The following CHODL variants were observed in gnomAD, a reference collection of about 807,000 sequenced individuals.
The protein encoded by CHODL is transmembrane protein MT75.
In CHODL, 29 loss-of-function variants were observed where a neutral mutation model predicts 34.5. The observed-to-expected ratio is 0.84, with a 90% confidence interval of 0.63 to 1.15. The LOEUF (loss-of-function observed/expected upper bound fraction) is 1.15, where lower values mean the gene tolerates loss of function less well. Among genes scored for constraint, CHODL ranks in the 50% most tolerant of loss-of-function variants. The pLI, the probability that CHODL is intolerant of heterozygous loss-of-function variation, is 0.00. For synonymous variants in CHODL, 125 were observed against 116.1 expected (o/e 1.08, Z -0.49); for missense variants, 332 against 332.5 (o/e 1.00, Z 0.01).
intron 1 of CHODL, among the ~76,000 whole-genome samples, chr21:18,026,674 A>G (rs1009089443): frequency 2.6e-5 from 4 of 152,162 alleles, no homozygotes; most frequent in African/African-American, 9.7e-5. Flanking sequence ...TGCTTTCTTC[A>G]CATGCCAAAA....
chr21:17,973,802 G>GA (rs369903501), intron 1 of CHODL, among the ~76,000 whole-genome samples: 5,324 of 124,948 alleles, frequency 0.043, 141 homozygotes, highest in Middle Eastern at 0.073. Context: ...TATCTTTCAG[G>GA]AAAAAAAAAA....
intron 2 of CHODL, among the ~76,000 whole-genome samples, chr21:18,163,897 C>T (rs939963310): frequency 6.6e-6 from 1 of 152,110 alleles, no homozygotes; most frequent in African/African-American, 2.4e-5. Context: ...TACTGATCCC[C>T]AGTGTGATTA....
chr21:18,111,683 G>C (rs1193094083), intron 2 of CHODL, among the ~76,000 whole-genome samples: 1 of 152,086 alleles, frequency 6.6e-6, no homozygotes, highest in Non-Finnish European at 1.5e-5. Context: ...TACACTTTCT[G>C]TCCACTGGCA....
chr21:18,242,953 G>A (rs937999988), upstream of CHODL, among the ~76,000 whole-genome samples: 4 of 152,052 alleles, frequency 2.6e-5, no homozygotes, highest in African/African-American at 9.7e-5. Flanking sequence ...GTAATTTACT[G>A]GTATTCTTTC....
At chr21:17,988,421 A>C (rs1239509811) in intron 1 of CHODL, among the ~76,000 whole-genome samples, 2 of 109,720 alleles carry the variant, frequency 1.8e-5, no homozygotes. Context: ...ATTATACTTT[A>C]AGTTTTAGGG....
At chr21:18,172,175 C>T (rs754481066) in intron 2 of CHODL, among the ~76,000 whole-genome samples, 1 of 151,884 alleles carries the variant, frequency 6.6e-6, no homozygotes, top group South Asian at 2.1e-4. Flanking sequence ...TTCTTTTGAG[C>T]CTCTTATTTG....
chr21:18,084,150 T>C (rs986096304), intron 2 of CHODL, among the ~76,000 whole-genome samples: 3 of 152,178 alleles, frequency 2.0e-5, no homozygotes, highest in Middle Eastern at 3.2e-3. Context: ...TATTTGAAAG[T>C]GTGTGGCACA....
At chr21:17,993,978 A>T (rs2146391499) in intron 1 of CHODL, among the ~76,000 whole-genome samples, 1 of 151,568 alleles carries the variant, frequency 6.6e-6, no homozygotes, top group East Asian at 2.0e-4. Flanking sequence ...TTCTGATTTT[A>T]TTTTTTTGAG....
chr21:18,020,102 A>G (rs2064114004), intron 1 of CHODL, among the ~76,000 whole-genome samples: 1 of 152,192 alleles, frequency 6.6e-6, no homozygotes. Flanking sequence ...AAAGAATTAC[A>G]TGATATGAAG....
intron 2 of CHODL, among the ~76,000 whole-genome samples, chr21:18,056,476 C>CTT (rs34378503): frequency 7.2e-4 from 102 of 141,990 alleles, no homozygotes; most frequent in Middle Eastern, 3.7e-3. Flanking sequence ...TATTTTCCTT[C>CTT]TTTTTTTTTT....
chr21:18,015,523 T>A (rs1029472742), intron 1 of CHODL, among the ~76,000 whole-genome samples: 2 of 151,278 alleles, frequency 1.3e-5, no homozygotes, highest in African/African-American at 4.9e-5. Context: ...ACCAGAGAAG[T>A]GGGGCATTGC....
chr21:18,205,956 CTT>C (rs915339855), intron 2 of CHODL, among the ~76,000 whole-genome samples: 3 of 152,080 alleles, frequency 2.0e-5, no homozygotes, highest in Non-Finnish European at 2.9e-5. Flanking sequence ...CAAAATTCCT[CTT>C]GTTACTGATT....
At chr21:18,143,930 G>T (rs2072833595) in intron 2 of CHODL, among the ~76,000 whole-genome samples, 1 of 151,766 alleles carries the variant, frequency 6.6e-6, no homozygotes, top group Non-Finnish European at 1.5e-5. Flanking sequence ...TCTACATTGG[G>T]GTACTATAAT....
chr21:18,260,282 A>G lies in CHODL; in HGVS notation c.630A>G (p.Glu210=), dbSNP rs139672100. The G allele has an allele frequency of 2.5e-6, 4 of 1,579,112 alleles. No homozygotes were observed. The highest frequency in any genetic ancestry group is 1.4e-5 in the African/African-American group (1 of 73,024). ...GDTHQNVVVT[E]AGIIPNLIYV... ...CCCATCAGAATGTGGTTGTTACTGA[A>G]GCAGGTAATTACTTCATGTGTCTTT... The change falls in exon 4 of 6, where the codon GAA becomes GAG. Residue 210 remains glutamate, a synonymous_variant. Transcript: ENST00000299295.
intron 1 of CHODL, among the ~76,000 whole-genome samples, chr21:17,950,519 CACACACACACACACACTT>C (rs895813276): frequency 2.4e-5 from 3 of 125,018 alleles, no homozygotes; most frequent in East Asian, 2.9e-4. Context: ...CACACACACA[CACACACACACACACACTT>C]CTTTAAAGCC....
intron 1 of CHODL, among the ~76,000 whole-genome samples, chr21:18,255,489 C>A (rs2146809783): frequency 6.6e-6 from 1 of 152,138 alleles, no homozygotes; most frequent in East Asian, 1.9e-4. Context: ...GTTTTCAAGT[C>A]TGCTAAATGT....
At chr21:18,159,689 G>A (rs941825587) in intron 2 of CHODL, among the ~76,000 whole-genome samples, 6 of 152,190 alleles carry the variant, frequency 3.9e-5, no homozygotes, top group African/African-American at 9.7e-5. Flanking sequence ...TTGCAGGTGT[G>A]ATTGGTTTTA....
intron 3 of CHODL, among the ~76,000 whole-genome samples, 179 bp downstream of exon 3, chr21:18,257,306 G>A (rs2074329773): frequency 6.6e-6 from 1 of 152,076 alleles, no homozygotes; most frequent in African/African-American, 2.4e-5. Flanking sequence ...AGAGCAAACT[G>A]TCCAATGAGC....
intron 2 of CHODL, among the ~76,000 whole-genome samples, chr21:18,090,646 T>C (rs1281669002): frequency 1.4e-5 from 2 of 138,146 alleles, no homozygotes; most frequent in Non-Finnish European, 1.5e-5. Context: ...GAAAGAGGAA[T>C]ATAGAAAATA....
Sources: allele counts gnomAD v4.1 joint callset (sites outside exome capture counted in the v4.1 genomes callset), GRCh38; gene constraint gnomAD v4.1.1; transcripts MANE v1.5; gene names NCBI Gene and HGNC (gene_info 2026-07-23, HGNC 2026-07-21).